The following TXNDC16 variants were observed in gnomAD, a reference collection of about 807,000 sequenced individuals.
The protein encoded by TXNDC16 is thioredoxin domain containing 16, also known as thioredoxin domain-containing protein 16.
Under a neutral mutation model 85.6 loss-of-function variants are expected in TXNDC16, and 74 were observed. The observed-to-expected ratio is 0.86, with a 90% CI of 0.72 to 1.05. The LOEUF is 1.05. Ranked by LOEUF, TXNDC16 falls within the 50% of genes least tolerant of loss-of-function variation. The probability of loss-of-function intolerance (pLI) is 0.00; values close to 1 mark genes in which losing one functional copy is unlikely to be tolerated. For missense variants in TXNDC16, 959 were observed against 947.0 expected, an observed-to-expected ratio of 1.01 and a Z score of -0.17; for synonymous variants, 335 against 326.5, an observed-to-expected ratio of 1.03 and a Z score of -0.28.
chr14:52,521,824 G>A (rs2037218242), intron 6 of TXNDC16, among the ~76,000 whole-genome samples: 1 of 152,074 alleles, frequency 6.6e-6, no homozygotes, highest in South Asian at 2.1e-4. Context: ...CAATACTTCT[G>A]GAACAGTATT....
At chr14:52,540,614 G>A (rs2037808244) in intron 4 of TXNDC16, among the ~76,000 whole-genome samples, 1 of 151,916 alleles carries the variant, frequency 6.6e-6, no homozygotes, top group African/African-American at 2.4e-5. Flanking sequence ...GACAGAGCAA[G>A]ACTCGGTCTC....
At chr14:52,529,354 G>A (rs1218509279) in intron 6 of TXNDC16, among the ~76,000 whole-genome samples, 1 of 150,808 alleles carries the variant, frequency 6.6e-6, no homozygotes, top group African/African-American at 2.4e-5. Flanking sequence ...GATAGCATTA[G>A]GAGATATACC....
chr14:52,485,208 T>C (rs2036240591), intron 12 of TXNDC16, among the ~76,000 whole-genome samples: 1 of 152,186 alleles, frequency 6.6e-6, no homozygotes. Flanking sequence ...CTAATGTGTG[T>C]GTTTGTGTTT....
chr14:52,478,984 T>C (rs934502050), intron 14 of TXNDC16, among the ~76,000 whole-genome samples: 1 of 152,168 alleles, frequency 6.6e-6, no homozygotes, highest in Non-Finnish European at 1.5e-5. Flanking sequence ...GTGGGTTTCA[T>C]ACCAGGGATG....
chr14:52,495,725 C>A (rs937686274), intron 9 of TXNDC16, among the ~76,000 whole-genome samples: 2 of 152,164 alleles, frequency 1.3e-5, no homozygotes, highest in Non-Finnish European at 2.9e-5. Context: ...CTCCAAGACT[C>A]CTAAAGCCTT....
Position 52,524,599 on chromosome 14 carries a change from C to G in TXNDC16, c.393-5306G>C, listed in dbSNP as rs367705451. ...GAGCTTCTGGGCTAAAGCCATTATC[C>G]TGTCTCAGCCTCAGTCTGAGTAACT... On this transcript the variant is annotated intron_variant, in intron 6 of 20. Coordinates refer to ENST00000281741, the MANE Select transcript of TXNDC16 (RefSeq NM_020784.3). Among the ~76,000 whole-genome samples the G allele has an allele frequency of 5.3e-5, 8 of 152,212 alleles. No individual in the cohort carries two copies. In the East Asian group the frequency reaches 1.6e-3, roughly 30 times the overall value.
intron 6 of TXNDC16, among the ~76,000 whole-genome samples, chr14:52,523,940 A>G (rs1467266847): frequency 6.6e-6 from 1 of 152,256 alleles, no homozygotes; most frequent in Non-Finnish European, 1.5e-5. Flanking sequence ...AAAAATTTGC[A>G]GTTTGGAGAT....
At chr14:52,528,593 T>C (rs1245712257) in intron 6 of TXNDC16, among the ~76,000 whole-genome samples, 2 of 151,542 alleles carry the variant, frequency 1.3e-5, no homozygotes, top group African/African-American at 2.4e-5. Flanking sequence ...TGTACATATC[T>C]AATAGTAGAT....
chr14:52,447,199 G>A (rs1416369804), intron 18 of TXNDC16, among the ~76,000 whole-genome samples: 2 of 151,872 alleles, frequency 1.3e-5, no homozygotes, highest in Non-Finnish European at 2.9e-5. Flanking sequence ...ATGAGTCCCA[G>A]GCCAGAAAGC....
At chr14:52,476,095 G>A (rs567410969) in intron 14 of TXNDC16, among the ~76,000 whole-genome samples, 7 of 152,218 alleles carry the variant, frequency 4.6e-5, no homozygotes, top group Admixed American at 2.0e-4. Context: ...ACTACAGCTC[G>A]GCTCTCAGGA....
At chr14:52,447,182 C>G (rs530570485) in intron 18 of TXNDC16, among the ~76,000 whole-genome samples, 1 of 150,804 alleles carries the variant, frequency 6.6e-6, no homozygotes, top group Non-Finnish European at 1.5e-5. Context: ...GCCCACTATC[C>G]TGAAGCATGA....
intron 6 of TXNDC16, among the ~76,000 whole-genome samples, chr14:52,533,948 G>A (rs1461029678): frequency 6.6e-6 from 1 of 152,172 alleles, no homozygotes; most frequent in Non-Finnish European, 1.5e-5. Context: ...GGGCCTGAAG[G>A]ATTAGGAGAG....
chr14:52,533,992 T>C (rs1041239578), intron 6 of TXNDC16, among the ~76,000 whole-genome samples: 1 of 152,192 alleles, frequency 6.6e-6, no homozygotes, highest in African/African-American at 2.4e-5. Context: ...CAATTTTCTC[T>C]AGAAAACTGC....
intron 18 of TXNDC16, among the ~76,000 whole-genome samples, chr14:52,442,074 AAAAAT>A (rs746896019): frequency 3.0e-4 from 46 of 152,332 alleles, no homozygotes; most frequent in Non-Finnish European, 5.4e-4. Flanking sequence ...TTGAAAGAAA[AAAAAT>A]AAAAGAGAAT....
chr14:52,492,562 G>A (rs1338616258), intron 9 of TXNDC16, among the ~76,000 whole-genome samples: 5 of 152,128 alleles, frequency 3.3e-5, no homozygotes, highest in African/African-American at 1.2e-4. Flanking sequence ...GCCTGCCTCT[G>A]CCCCTCCTCC....
At chr14:52,444,832 T>C (rs2035241744) in intron 18 of TXNDC16, among the ~76,000 whole-genome samples, 2 of 152,092 alleles carry the variant, frequency 1.3e-5, no homozygotes, top group Non-Finnish European at 2.9e-5. Context: ...AAATTTAACC[T>C]AAATCCATAA....
At chr14:52,537,317 C>A (rs998517393) in intron 5 of TXNDC16, among the ~76,000 whole-genome samples, 5 of 152,234 alleles carry the variant, frequency 3.3e-5, no homozygotes, top group Admixed American at 3.3e-4. Flanking sequence ...CTACCCAGAA[C>A]ATTAAATTTG....
At chr14:52,536,592 G>C in intron 6 of TXNDC16, 127 bp downstream of exon 6, 1 of 876,004 alleles carries the variant, frequency 1.1e-6, no homozygotes, top group South Asian at 2.1e-5. Context: ...TTAGTAATTT[G>C]TGTTAAATTG....
At chr14:52,517,496 A>G (rs866366782) in intron 7 of TXNDC16, among the ~76,000 whole-genome samples, 1 of 152,128 alleles carries the variant, frequency 6.6e-6, no homozygotes, top group Non-Finnish European at 1.5e-5. Flanking sequence ...ACTGAGAACA[A>G]ACAACCAATT....
Sources: allele counts gnomAD v4.1 joint callset (sites outside exome capture counted in the v4.1 genomes callset), GRCh38; gene constraint gnomAD v4.1.1; transcripts MANE v1.5; gene names NCBI Gene and HGNC (gene_info 2026-07-23, HGNC 2026-07-21).